The following PRIM2 variants were observed in gnomAD, a reference collection of about 807,000 sequenced individuals.
The protein encoded by PRIM2 is DNA primase subunit 2.
A neutral mutation model predicts 67.3 loss-of-function variants in PRIM2; 39 were observed. The observed-to-expected ratio is 0.58, with a 90% CI of 0.45 to 0.76. The LOEUF is 0.76. Ranked by LOEUF, PRIM2 falls within the 30% of genes least tolerant of loss-of-function variation. The probability of loss-of-function intolerance (pLI) is 0.00; values close to 1 mark genes in which losing one functional copy is unlikely to be tolerated. For missense variants in PRIM2, 398 were observed against 598.7 expected (o/e 0.66, Z 3.50); for synonymous variants, 143 against 198.7 (o/e 0.72, Z 2.36).
chr6:57,595,991 C>A (rs1464259245), intron 10 of PRIM2, among the ~76,000 whole-genome samples: 4 of 151,982 alleles, frequency 2.6e-5, no homozygotes, highest in Non-Finnish European at 5.9e-5. Flanking sequence ...AGGAGCCCAC[C>A]AAGAGTCACC....
chr6:57,330,383 G>GC (rs1197781623), intron 5 of PRIM2, among the ~76,000 whole-genome samples: 4 of 99,558 alleles, frequency 4.0e-5, no homozygotes, highest in Non-Finnish European at 3.9e-5. Flanking sequence ...TTGTTTTTTT[G>GC]TTTTTTTTTT....
At chr6:57,380,551 A>T (rs1769926618) in intron 6 of PRIM2, among the ~76,000 whole-genome samples, 1 of 152,148 alleles carries the variant, frequency 6.6e-6, no homozygotes, top group South Asian at 2.1e-4. Flanking sequence ...TAACTACGTC[A>T]CATGAACCCT....
chr6:57,485,034 G>C (rs1241207388), intron 7 of PRIM2, among the ~76,000 whole-genome samples: 1 of 152,170 alleles, frequency 6.6e-6, no homozygotes, highest in Non-Finnish European at 1.5e-5. Context: ...ATGGATGCAG[G>C]CTTGCCTAAT....
intron 7 of PRIM2, among the ~76,000 whole-genome samples, chr6:57,496,811 C>G (rs1382143046): frequency 1.3e-5 from 2 of 152,094 alleles, no homozygotes; most frequent in Admixed American, 6.6e-5. Context: ...TTTTTAGAGT[C>G]TTTGCATAAA....
chr6:57,268,479 C>A, the PRIM2 span, among the ~76,000 whole-genome samples: 1 of 151,722 alleles, frequency 6.6e-6, no homozygotes. Context: ...TATCTCAGAG[C>A]CAAGGTTAAC....
chr6:57,397,745 G>A (rs7454144), intron 7 of PRIM2, among the ~76,000 whole-genome samples: 11,426 of 151,910 alleles, frequency 0.075, 1,365 homozygotes, highest in African/African-American at 0.26. Flanking sequence ...GGGTTTGTTG[G>A]TCTTTTGAAT....
At chr6:57,370,163 C>T (rs868179621) in intron 5 of PRIM2, among the ~76,000 whole-genome samples, 1 of 152,146 alleles carries the variant, frequency 6.6e-6, no homozygotes, top group Non-Finnish European at 1.5e-5. Flanking sequence ...TCCACTCTAT[C>T]TGTTTTTACT....
chr6:57,409,038 T>TG (rs1483648947), intron 7 of PRIM2, among the ~76,000 whole-genome samples: 1 of 152,164 alleles, frequency 6.6e-6, no homozygotes, highest in African/African-American at 2.4e-5. Flanking sequence ...TCTTTTTAAT[T>TG]GTTAGGTAGT....
intron 5 of PRIM2, among the ~76,000 whole-genome samples, chr6:57,349,623 GT>G (rs1426003832): frequency 6.6e-6 from 1 of 151,998 alleles, no homozygotes; most frequent in African/African-American, 2.4e-5. Flanking sequence ...TCCACCCAAG[GT>G]GTGTTTCTTT....
At chr6:57,440,644 C>T (rs1772174765) in intron 7 of PRIM2, among the ~76,000 whole-genome samples, 1 of 152,238 alleles carries the variant, frequency 6.6e-6, no homozygotes, top group Non-Finnish European at 1.5e-5. Context: ...AGTATTCTCA[C>T]TAACCCAGTC....
chr6:57,345,501 TGTGTG>T (rs1768645553), intron 5 of PRIM2, among the ~76,000 whole-genome samples: 1,372 of 81,508 alleles, frequency 0.017, 29 homozygotes, highest in African/African-American at 0.069. Flanking sequence ...TGTGTGTGTG[TGTGTG>T]TACATACATA....
chr6:57,301,572 C>G, the PRIM2 span, among the ~76,000 whole-genome samples: 2 of 151,934 alleles, frequency 1.3e-5, 1 homozygote. Context: ...GAGGCCAAGG[C>G]AGGCGGATCA....
the PRIM2 span, among the ~76,000 whole-genome samples, chr6:57,292,194 C>T: frequency 6.6e-6 from 1 of 152,142 alleles, no homozygotes; most frequent in Non-Finnish European, 1.5e-5. Flanking sequence ...CATTCCTATA[C>T]ACCAATAACA....
At chr6:57,446,831 C>A in intron 7 of PRIM2, among the ~76,000 whole-genome samples, 1 of 152,180 alleles carries the variant, frequency 6.6e-6, no homozygotes, top group East Asian at 1.9e-4. Flanking sequence ...TCCAGTCCAC[C>A]ATCTGCTTGT....
chr6:57,331,806 A>G (rs1235858952), intron 5 of PRIM2, among the ~76,000 whole-genome samples: 1 of 151,482 alleles, frequency 6.6e-6, no homozygotes, highest in African/African-American at 2.4e-5. Context: ...TTTGTCATCT[A>G]GGTAGAGGTT....
intron 7 of PRIM2, among the ~76,000 whole-genome samples, chr6:57,402,061 G>C (rs563384157): frequency 1.3e-5 from 2 of 152,148 alleles, no homozygotes; most frequent in South Asian, 2.1e-4. Context: ...CAGGCCTGGC[G>C]GACCTGCCCA....
chr6:57,521,393 T>TTTTA (rs1554348911), intron 8 of PRIM2, among the ~76,000 whole-genome samples: 13 of 132,860 alleles, frequency 9.8e-5, no homozygotes, highest in South Asian at 2.3e-4. Context: ...TTTTTTTTTT[T>TTTTA]AACACCCTAA....
intron 7 of PRIM2, among the ~76,000 whole-genome samples, chr6:57,464,101 G>T (rs1773103326): frequency 6.6e-6 from 1 of 151,998 alleles, no homozygotes; most frequent in African/African-American, 2.4e-5. Context: ...CCTCAAAAGG[G>T]CCATTCCCCT....
intron 5 of PRIM2, among the ~76,000 whole-genome samples, chr6:57,366,549 G>C (rs1454609442): frequency 2.0e-5 from 3 of 152,170 alleles, no homozygotes; most frequent in Admixed American, 1.3e-4. Context: ...TGGGTCAGAG[G>C]ATGCTGACGA....
Sources: allele counts gnomAD v4.1 joint callset (sites outside exome capture counted in the v4.1 genomes callset), GRCh38; gene constraint gnomAD v4.1.1; transcripts MANE v1.5; gene names NCBI Gene and HGNC (gene_info 2026-07-23, HGNC 2026-07-21).